ADGRV1: variants seen among roughly 807,000 people sequenced by gnomAD.
ADGRV1 encodes G-protein coupled receptor 98.
A neutral mutation model predicts 596.2 loss-of-function variants in ADGRV1; 359 were observed. That is an observed-to-expected ratio of 0.60 (90% confidence interval 0.55 to 0.66). The LOEUF (loss-of-function observed/expected upper bound fraction) is 0.66. Ranked by LOEUF, ADGRV1 falls within the 30% of genes least tolerant of loss-of-function variation. The pLI is 0.00. For synonymous variants in ADGRV1, 2,681 were observed against 2,679.2 expected, an observed-to-expected ratio of 1.00 and a Z score of -0.02; for missense variants, 7,274 against 7,575.6, an observed-to-expected ratio of 0.96 and a Z score of 1.48.
At chr5:90,797,663 A>G (rs779994537) in intron 70 of ADGRV1, among the ~76,000 whole-genome samples, 4 of 152,190 alleles carry the variant, frequency 2.6e-5, no homozygotes, top group Non-Finnish European at 5.9e-5. Context: ...CCCCAAATCA[A>G]CGGAATATAT....
At chr5:91,099,630 G>T (rs1791191386) in intron 86 of ADGRV1, among the ~76,000 whole-genome samples, 1 of 152,176 alleles carries the variant, frequency 6.6e-6, no homozygotes, top group Non-Finnish European at 1.5e-5. Flanking sequence ...CAATAGCGGG[G>T]TGCGGTGGCT....
intron 89 of ADGRV1, among the ~76,000 whole-genome samples, chr5:91,159,423 G>T (rs1226520614): frequency 1.3e-5 from 2 of 152,118 alleles, no homozygotes; most frequent in Non-Finnish European, 2.9e-5. Flanking sequence ...AAAATTGTTT[G>T]ATCTAAAATA....
intron 83 of ADGRV1, among the ~76,000 whole-genome samples, chr5:90,949,547 T>C (rs955073815): frequency 6.6e-6 from 1 of 152,184 alleles, no homozygotes; most frequent in African/African-American, 2.4e-5. Context: ...TAGATATAGA[T>C]GTTAGAGGTA....
rs761625967 is a variant in ADGRV1 at position 90,759,543 on chromosome 5, A to T, written c.12075A>T (p.Pro4025=). The T allele has an allele frequency of 1.9e-6, 3 of 1,613,534 alleles. No homozygotes were observed. Among genetic ancestry groups the T allele is most frequent in the Non-Finnish European group, 1.7e-6 (2 of 1,179,630 alleles). ...ATGTTGTGGTAACTGTTGTTATTCC[A>T]CAAAATGATTCTCCATTTGGAGTAT... The part of the protein sequence containing the change: ...GDDVVVTVVI[P]QNDSPFGVFG... Residue 4025 remains proline, a synonymous_variant, in exon 58 of 90, where the codon CCA becomes CCT. Transcript: ENST00000405460.
rs372147148 is a variant in ADGRV1 at position 90,627,631 on chromosome 5, G to T, written c.1093G>T (p.Asp365Tyr). The T allele has an allele frequency of 1.2e-5, 19 of 1,613,692 alleles. No homozygotes were observed. The highest frequency in any genetic ancestry group is 3.3e-4 in the Middle Eastern group (2 of 6,082). The stretch of plus-strand genomic sequence containing the variant: ...ATCGTTTCACATTATGTTACTAAAA[G>T]ATACCTTACAGGGAGATGCTGTGCT... ...AESFHIMLLK[D>Y]TLQGDAVLIS... The change falls in exon 7 of 90, where the codon GAT becomes TAT. Residue 365 changes from aspartate to tyrosine, a missense_variant. Physicochemically the swap from Asp to Tyr is radical, Grantham distance 160. Around this residue, in one of 5 missense-constraint regions of ADGRV1, gnomAD observed 1,715 missense variants for 1,708.8 expected, o/e 1.00. Transcript: ENST00000405460.
chr5:90,807,565 A>G (rs750710847), intron 72 of ADGRV1, 37 bp from the exon 73 acceptor site: 4 of 1,580,318 alleles, frequency 2.5e-6, no homozygotes, highest in Admixed American at 1.8e-5. Flanking sequence ...AAGAAAAGAA[A>G]TAATACCCTA....
intron 1 of ADGRV1, among the ~76,000 whole-genome samples, chr5:90,561,007 T>A (rs1223686388): frequency 6.6e-6 from 1 of 152,184 alleles, no homozygotes; most frequent in East Asian, 1.9e-4. Flanking sequence ...TAAACTCTTT[T>A]GTTCATATCC....
chr5:91,074,335 A>G (rs892937544), intron 86 of ADGRV1, among the ~76,000 whole-genome samples: 2 of 151,966 alleles, frequency 1.3e-5, no homozygotes, highest in Admixed American at 1.3e-4. Context: ...CTTTCCCTCT[A>G]CCCTCAAGTA....
chr5:90,920,283 C>G (rs1249684697), intron 83 of ADGRV1, among the ~76,000 whole-genome samples: 1 of 152,164 alleles, frequency 6.6e-6, no homozygotes, highest in Non-Finnish European at 1.5e-5. Flanking sequence ...GGGCAGGAAT[C>G]CTATTCATGC....
At chr5:91,089,476 A>T (rs1229255201) in intron 86 of ADGRV1, among the ~76,000 whole-genome samples, 6 of 152,148 alleles carry the variant, frequency 3.9e-5, no homozygotes, top group Non-Finnish European at 7.4e-5. Context: ...TTTGTGTGTG[A>T]TGGTTAGAGA....
At chr5:90,594,301 G>C (rs559809509) in intron 1 of ADGRV1, among the ~76,000 whole-genome samples, 4 of 151,688 alleles carry the variant, frequency 2.6e-5, no homozygotes, top group Admixed American at 6.6e-5. Context: ...TAGTGAGTGA[G>C]TTCTTGTGAG....
At chr5:90,670,069 T>C (rs1486813049) in intron 21 of ADGRV1, among the ~76,000 whole-genome samples, 2 of 152,232 alleles carry the variant, frequency 1.3e-5, no homozygotes, top group Non-Finnish European at 2.9e-5. Context: ...AAATTTATGA[T>C]GTCAATCTCA....
At chr5:90,742,426 G>A (rs1754069014) in intron 50 of ADGRV1, among the ~76,000 whole-genome samples, 1 of 152,132 alleles carries the variant, frequency 6.6e-6, no homozygotes, top group African/African-American at 2.4e-5. Context: ...TGCTTTTAGG[G>A]AACTAGAAAG....
intron 83 of ADGRV1, among the ~76,000 whole-genome samples, chr5:90,898,881 G>C (rs1771572470): frequency 6.6e-6 from 1 of 151,940 alleles, no homozygotes; most frequent in Admixed American, 6.6e-5. Context: ...AGGGGCTCGA[G>C]GCTGCAGTGA....
At chr5:90,795,007 G>A (rs1337024171) in intron 70 of ADGRV1, among the ~76,000 whole-genome samples, 1 of 151,816 alleles carries the variant, frequency 6.6e-6, no homozygotes, top group Non-Finnish European at 1.5e-5. Context: ...ACTCCCTCTG[G>A]TGCCTACACC....
intron 38 of ADGRV1, among the ~76,000 whole-genome samples, chr5:90,707,606 A>G (rs1417453979): frequency 6.6e-6 from 1 of 152,218 alleles, no homozygotes; most frequent in Non-Finnish European, 1.5e-5. Context: ...ATATAACACA[A>G]GATTTGATAA....
chr5:90,868,379 T>G (rs1768338312), intron 83 of ADGRV1, among the ~76,000 whole-genome samples: 1 of 152,108 alleles, frequency 6.6e-6, no homozygotes, highest in South Asian at 2.1e-4. Context: ...TGCTGCTGTG[T>G]CCTTCTGATT....
intron 85 of ADGRV1, among the ~76,000 whole-genome samples, chr5:91,009,421 T>G (rs114503753): frequency 6.6e-6 from 1 of 152,094 alleles, no homozygotes; most frequent in Non-Finnish European, 1.5e-5. Flanking sequence ...ATAATACAGC[T>G]CTAGTGTGTT....
intron 85 of ADGRV1, among the ~76,000 whole-genome samples, chr5:91,013,325 A>C (rs1215846742): frequency 6.6e-6 from 1 of 152,118 alleles, no homozygotes; most frequent in Non-Finnish European, 1.5e-5. Context: ...TTACATTAGC[A>C]CCAACAGTGT....
Sources: allele counts gnomAD v4.1 joint callset (sites outside exome capture counted in the v4.1 genomes callset), GRCh38; gene constraint gnomAD v4.1.1; regional missense constraint gnomAD v4.1.1; transcripts MANE v1.5; gene names NCBI Gene and HGNC (gene_info 2026-07-23, HGNC 2026-07-21).